Variants in KCNQ5 observed in about 807,000 individuals in gnomAD.
KCNQ5 encodes potassium voltage-gated channel subfamily KQT member 5.
A neutral mutation model predicts 98.2 loss-of-function variants in KCNQ5; 30 were observed. That is an observed-to-expected ratio of 0.31 (90% confidence interval 0.23 to 0.41). The LOEUF is 0.41. Among genes scored for constraint, KCNQ5 ranks in the 10% least tolerant of loss-of-function variants. The probability of loss-of-function intolerance (pLI) is 1.00; values close to 1 mark genes in which losing one functional copy is unlikely to be tolerated. For synonymous variants in KCNQ5, 458 were observed against 449.4 expected (o/e 1.02, Z -0.24); for missense variants, 835 against 1,182.5 (o/e 0.71, Z 4.31).
In KCNQ5 at chr6:73,011,758, T is replaced by A. The variant is rs1225000788; in HGVS notation, c.489+7760T>A. Reference sequence around the variant, plus strand: ...TTAATATCTGGACTATGTAGAGAATTTCTGAAACTCAACAACAAAAACAAC... The same window carrying A: ...TTAATATCTGGACTATGTAGAGAATATCTGAAACTCAACAACAAAAACAAC... On this transcript the variant is annotated intron_variant, in intron 2 of 13. Coordinates refer to ENST00000370398, the MANE Select transcript of KCNQ5 (RefSeq NM_019842.4). Among the ~76,000 whole-genome samples, 3 of 152,046 alleles carry A rather than the reference T, an allele frequency of 2.0e-5. No individual in the cohort carries two copies. The East Asian group carries it at 5.8e-4, about 29-fold the overall frequency.
chr6:72,853,411 G>A (rs771761961), intron 1 of KCNQ5, among the ~76,000 whole-genome samples: 1 of 151,878 alleles, frequency 6.6e-6, no homozygotes, highest in East Asian at 1.9e-4. Flanking sequence ...TGGTGCCATC[G>A]CAGCTCACTG....
At chr6:72,916,516 T>TTG (rs1303789995) in intron 1 of KCNQ5, among the ~76,000 whole-genome samples, 1 of 152,192 alleles carries the variant, frequency 6.6e-6, no homozygotes, top group Non-Finnish European at 1.5e-5. Context: ...TTACAAACAG[T>TTG]TGTGCAAGTA....
chr6:72,876,041 C>T (rs1778394074), intron 1 of KCNQ5, among the ~76,000 whole-genome samples: 1 of 151,224 alleles, frequency 6.6e-6, no homozygotes, highest in Non-Finnish European at 1.5e-5. Flanking sequence ...TTTCACTTAA[C>T]CTAGTCAATT....
intron 1 of KCNQ5, among the ~76,000 whole-genome samples, chr6:72,948,829 A>C (rs1447823569): frequency 6.6e-6 from 1 of 152,168 alleles, no homozygotes; most frequent in East Asian, 1.9e-4. Flanking sequence ...GATGTTGACA[A>C]TATTATCTCC....
At chr6:72,623,789 A>G (rs958623127) in intron 1 of KCNQ5, among the ~76,000 whole-genome samples, 1 of 152,202 alleles carries the variant, frequency 6.6e-6, no homozygotes, top group East Asian at 1.9e-4. Context: ...GTTTCCTAGT[A>G]AAATAAGTTT....
intron 1 of KCNQ5, among the ~76,000 whole-genome samples, chr6:72,623,391 A>AGAGTGTGTGTGTGT (rs1554678872): frequency 7.0e-6 from 1 of 143,042 alleles, no homozygotes; most frequent in African/African-American, 2.6e-5. Context: ...GGAGTCAAAG[A>AGAGTGTGTGTGTGT]GTGTGTGTGT....
At chr6:72,906,024 A>G (rs1399496176) in intron 1 of KCNQ5, among the ~76,000 whole-genome samples, 1 of 151,474 alleles carries the variant, frequency 6.6e-6, no homozygotes, top group Non-Finnish European at 1.5e-5. Context: ...AGGTGGGGGC[A>G]GGGCTAAGCA....
At chr6:73,113,661 A>G (rs1326181707) in intron 7 of KCNQ5, among the ~76,000 whole-genome samples, 4 of 152,274 alleles carry the variant, frequency 2.6e-5, no homozygotes, top group Admixed American at 6.5e-5. Flanking sequence ...CTGTGCAACA[A>G]TAATTTCCAA....
intron 1 of KCNQ5, among the ~76,000 whole-genome samples, chr6:72,705,130 T>G (rs1215983083): frequency 6.6e-6 from 1 of 152,174 alleles, no homozygotes; most frequent in Non-Finnish European, 1.5e-5. Flanking sequence ...CCCAAACACA[T>G]CATTCCCCTT....
rs540430909 is a variant in KCNQ5 at position 73,153,028 on chromosome 6, G to A, written c.1469-16718G>A. Among the ~76,000 whole-genome samples, 25 of 152,246 alleles carry A rather than the reference G, an allele frequency of 1.6e-4. 1 individual carries two copies. In the South Asian group the frequency reaches 4.6e-3, roughly 28 times the overall value. ...TCTCATCTAAAGATTTCTATCTTCT[G>A]CTGGAATAGGAGAGGACCATATGCC... On this transcript the variant is annotated intron_variant, in intron 10 of 13. Transcript: ENST00000370398.
intron 5 of KCNQ5, among the ~76,000 whole-genome samples, chr6:73,091,499 A>G (rs1010386461): frequency 3.3e-5 from 5 of 152,116 alleles, no homozygotes; most frequent in Non-Finnish European, 5.9e-5. Context: ...GCCTTAAAAA[A>G]AAGAAAAAGA....
chr6:72,824,021 T>C (rs924804178), intron 1 of KCNQ5, among the ~76,000 whole-genome samples: 13 of 152,196 alleles, frequency 8.5e-5, no homozygotes, highest in African/African-American at 3.1e-4. Context: ...TTTCTATTAA[T>C]ATTAATAAGT....
At chr6:73,110,201 A>G (rs900945744) in intron 6 of KCNQ5, among the ~76,000 whole-genome samples, 1 of 152,018 alleles carries the variant, frequency 6.6e-6, no homozygotes, top group Non-Finnish European at 1.5e-5. Context: ...CCAAAGGGTT[A>G]GACTCCTTGA....
At chr6:72,695,096 T>C (rs974637398) in intron 1 of KCNQ5, among the ~76,000 whole-genome samples, 7 of 152,238 alleles carry the variant, frequency 4.6e-5, no homozygotes, top group African/African-American at 1.7e-4. Context: ...TACCACATTT[T>C]CTTTATCCAG....
At chr6:72,685,519 T>C (rs957854205) in intron 1 of KCNQ5, among the ~76,000 whole-genome samples, 4 of 152,200 alleles carry the variant, frequency 2.6e-5, no homozygotes, top group African/African-American at 9.6e-5. Flanking sequence ...TCAACTACTA[T>C]CCTTGCATTT....
At chr6:72,939,187 T>G (rs114891803) in intron 1 of KCNQ5, among the ~76,000 whole-genome samples, 1,801 of 152,244 alleles carry the variant, frequency 0.012, 42 homozygotes, top group African/African-American at 0.041. Context: ...GGAGCGTCTG[T>G]GCCCTGGCAC....
At chr6:72,658,176 T>C (rs1377174969) in intron 1 of KCNQ5, among the ~76,000 whole-genome samples, 1 of 152,230 alleles carries the variant, frequency 6.6e-6, no homozygotes, top group East Asian at 1.9e-4. Flanking sequence ...GAAGACCCTT[T>C]GAAAATAAAA....
intron 1 of KCNQ5, among the ~76,000 whole-genome samples, chr6:72,906,697 C>T (rs903176456): frequency 1.6e-4 from 25 of 152,306 alleles, no homozygotes; most frequent in Admixed American, 4.6e-4. Context: ...TGTTCAGGGG[C>T]GGAGGATCTC....
At chr6:73,103,395 A>G (rs1774868832) in intron 5 of KCNQ5, among the ~76,000 whole-genome samples, 1 of 152,162 alleles carries the variant, frequency 6.6e-6, no homozygotes, top group Admixed American at 6.5e-5. Flanking sequence ...ACAGAAAATC[A>G]AACACCACAT....
Sources: allele counts gnomAD v4.1 joint callset (sites outside exome capture counted in the v4.1 genomes callset), GRCh38; gene constraint gnomAD v4.1.1; transcripts MANE v1.5; gene names NCBI Gene and HGNC (gene_info 2026-07-23, HGNC 2026-07-21).